Variants in SYTL5 observed in about 807,000 individuals in gnomAD.
SYTL5 encodes the protein synaptotagmin-like protein 5.
SYTL5 carries 34 observed loss-of-function variants against 55.9 expected under a neutral mutation model. The ratio of observed to expected loss-of-function variants is 0.61; its 90% CI spans 0.46 to 0.81. SYTL5 has a LOEUF of 0.81. Among genes scored for constraint, SYTL5 ranks in the 30% least tolerant of loss-of-function variants. SYTL5 has a pLI of 0.00. For synonymous variants in SYTL5, 221 were observed against 188.7 expected, an observed-to-expected ratio of 1.17 and a Z score of -1.40; for missense variants, 637 against 546.7, an observed-to-expected ratio of 1.17 and a Z score of -1.65.
intron 7 of SYTL5, among the ~76,000 whole-genome samples, chrX:38,092,923 A>G (rs1030493096): frequency 8.9e-6 from 1 of 111,965 alleles, no homozygotes; most frequent in Admixed American, 9.5e-5. Context: ...TAATTGGCCT[A>G]TTAGTGCTCA....
upstream of SYTL5, among the ~76,000 whole-genome samples, chrX:38,006,249 T>C (rs762321650): frequency 8.9e-6 from 1 of 112,045 alleles, no homozygotes; most frequent in Non-Finnish European, 1.9e-5. Flanking sequence ...TATGTGTTCA[T>C]TGTTATCACG....
At chrX:38,073,866 A>T (rs1041291365) in intron 5 of SYTL5, among the ~76,000 whole-genome samples, 168 bp downstream of exon 5, 1 of 111,962 alleles carries the variant, frequency 8.9e-6, no homozygotes, top group African/African-American at 3.2e-5. Context: ...TGCAGTTTTA[A>T]TAATTTTCAA....
At chrX:37,990,709 G>C in the SYTL5 span, 5 of 978,909 alleles carry the variant, frequency 5.1e-6, 1 homozygote, top group Admixed American at 1.2e-4. Context: ...CACAAAGGCA[G>C]CTAGCTCCCT....
chrX:37,905,448 G>A, the SYTL5 span, among the ~76,000 whole-genome samples: 2 of 100,760 alleles, frequency 2.0e-5, no homozygotes, highest in Non-Finnish European at 4.0e-5. Flanking sequence ...TGGGGGGGGC[G>A]TGGGGGGTGA....
At chrX:38,124,731 G>A (rs1441564829) in intron 15 of SYTL5, among the ~76,000 whole-genome samples, 3 of 112,038 alleles carry the variant, frequency 2.7e-5, no homozygotes, top group Non-Finnish European at 5.6e-5. Flanking sequence ...GAAGCAGTGA[G>A]GAACTCTGTG....
At chrX:38,069,225 TC>T (rs1352926075) in intron 3 of SYTL5, among the ~76,000 whole-genome samples, 6 of 112,247 alleles carry the variant, frequency 5.3e-5, no homozygotes, top group Non-Finnish European at 1.1e-4. Flanking sequence ...ATAGTAGTTT[TC>T]TATTGCCACC....
At chrX:37,895,409 TTTC>T in the SYTL5 span, among the ~76,000 whole-genome samples, 3 of 83,443 alleles carry the variant, frequency 3.6e-5, no homozygotes, top group African/African-American at 1.7e-4. Flanking sequence ...TAGTTTTTCT[TTTC>T]CTTCCTTCCT....
the SYTL5 span, among the ~76,000 whole-genome samples, chrX:37,923,594 A>T: frequency 4.5e-5 from 5 of 110,107 alleles, no homozygotes; most frequent in African/African-American, 1.7e-4. Flanking sequence ...CAATTCTCAG[A>T]TATATTCTCA....
chrX:38,089,359 T>C (rs878903745), intron 6 of SYTL5, 87 bp from the exon 7 acceptor site: 1 of 1,024,491 alleles, frequency 9.8e-7, no homozygotes, highest in South Asian at 2.3e-5. Flanking sequence ...TATGTTCTTA[T>C]CAGTTTCCTC....
At chrX:38,053,485 G>A (rs1046224753) in intron 2 of SYTL5, among the ~76,000 whole-genome samples, 4 of 112,234 alleles carry the variant, frequency 3.6e-5, no homozygotes, top group African/African-American at 9.7e-5. Flanking sequence ...TTAAACATAG[G>A]CATGTCTAAC....
At chrX:37,892,493 T>C in the SYTL5 span, among the ~76,000 whole-genome samples, 1 of 100,785 alleles carries the variant, frequency 9.9e-6, no homozygotes, top group African/African-American at 3.5e-5. Context: ...TATACATATA[T>C]ATGTATATAG....
chrX:37,929,235 T>C, the SYTL5 span, among the ~76,000 whole-genome samples: 5 of 111,330 alleles, frequency 4.5e-5, no homozygotes, highest in Non-Finnish European at 9.4e-5. Flanking sequence ...GAGTGTGTTG[T>C]AGGCCCAAGA....
intron 13 of SYTL5, among the ~76,000 whole-genome samples, chrX:38,114,846 C>G (rs1937444856): frequency 9.0e-6 from 1 of 111,269 alleles, no homozygotes; most frequent in African/African-American, 3.3e-5. Context: ...TCCCCACCCC[C>G]AGCCCCTGAT....
chrX:37,938,975 T>C, the SYTL5 span, among the ~76,000 whole-genome samples: 1 of 111,257 alleles, frequency 9.0e-6, no homozygotes, highest in African/African-American at 3.3e-5. Context: ...GTTTGAAAAA[T>C]GGTCAGGCGC....
intron 2 of SYTL5, among the ~76,000 whole-genome samples, chrX:38,051,247 G>C (rs1222697911): frequency 9.0e-6 from 1 of 111,697 alleles, no homozygotes; most frequent in African/African-American, 3.3e-5. Flanking sequence ...ACAGGCTATG[G>C]GAAAGAGGTA....
chrX:37,910,151 G>C, the SYTL5 span, among the ~76,000 whole-genome samples: 1 of 111,556 alleles, frequency 9.0e-6, no homozygotes, highest in Non-Finnish European at 1.9e-5. Flanking sequence ...ACCACAGACT[G>C]GGTGATTTAA....
chrX:38,039,593 T>C (rs916709670), intron 2 of SYTL5, among the ~76,000 whole-genome samples: 3 of 112,108 alleles, frequency 2.7e-5, no homozygotes, highest in African/African-American at 9.7e-5. Flanking sequence ...GGTATTGACT[T>C]GTACTTAAAA....
chrX:38,087,366 T>C (rs1485861676), intron 6 of SYTL5, among the ~76,000 whole-genome samples: 1 of 112,006 alleles, frequency 8.9e-6, no homozygotes, highest in Non-Finnish European at 1.9e-5. Context: ...TGGCTAACTG[T>C]TGTCAAATGT....
the SYTL5 span, among the ~76,000 whole-genome samples, chrX:37,939,122 G>A: frequency 4.6e-5 from 5 of 109,542 alleles, no homozygotes; most frequent in Non-Finnish European, 7.6e-5. Flanking sequence ...CTAGCTGGGC[G>A]TGGTGGCAGG....
Sources: gnomAD v4.1 joint callset for allele counts (sites outside exome capture counted in the v4.1 genomes callset) on GRCh38, gnomAD v4.1.1 for gene constraint, MANE v1.5 for transcripts, NCBI Gene and HGNC (gene_info 2026-07-23, HGNC 2026-07-21) for gene names.